KCNQ1: variants seen among roughly 807,000 people sequenced by gnomAD.
KCNQ1 encodes potassium voltage-gated channel subfamily KQT member 1.
KCNQ1 carries 49 observed loss-of-function variants against 72.4 expected under a neutral mutation model. That is an observed-to-expected ratio of 0.68 (90% CI 0.54 to 0.86). The LOEUF is 0.86. KCNQ1 is among the 40% of genes least tolerant of loss of function. The probability of loss-of-function intolerance (pLI) is 0.00; values close to 1 mark genes in which losing one functional copy is unlikely to be tolerated. For synonymous variants in KCNQ1, 450 were observed against 412.6 expected (o/e 1.09, Z -1.10); for missense variants, 790 against 945.1 (o/e 0.84, Z 2.15).
chr11:2,772,283 C>A lies in KCNQ1; in HGVS notation c.1590+3364C>A, dbSNP rs937696553. On this transcript the variant is annotated intron_variant, in intron 12 of 15. Coordinates refer to ENST00000155840, the MANE Select transcript of KCNQ1 (RefSeq NM_000218.3). This position sits in a 1 kb window ranked among gnomAD's most constrained non-coding sequence, Gnocchi z 6.6. Reference sequence around the variant, plus strand: ...GGGCTGCTGACATGGCAGGTGACCCCTCTGCCTACCTTGCTGGCTGATAAG... The same window carrying A: ...GGGCTGCTGACATGGCAGGTGACCCATCTGCCTACCTTGCTGGCTGATAAG... 6.6e-6 allele frequency among the ~76,000 whole-genome samples: 1 copy of A among 152,104 alleles called. No homozygotes were observed. Among genetic ancestry groups the A allele is most frequent in the Non-Finnish European group, 1.5e-5 (1 of 68,004 alleles).
In KCNQ1 at chr11:2,683,767, C is replaced by T; in HGVS notation, c.1514+21686C>T. The T allele has an allele frequency of 2.5e-6, 1 of 398,620 alleles. No homozygotes were observed. Among genetic ancestry groups the T allele is most frequent in the Non-Finnish European group, 4.4e-6 (1 of 226,064 alleles). 24.7% of individuals were successfully genotyped at this position (398,620 alleles called of 1,614,324 possible). On this transcript the variant is annotated intron_variant, in intron 11 of 15. Coordinates refer to ENST00000155840, the MANE Select transcript of KCNQ1 (RefSeq NM_000218.3). This position sits in a 1 kb window ranked among gnomAD's most constrained non-coding sequence, Gnocchi z 4.7. ...GAGGCAGCCCAGATGACATGGGCCT[C>T]TAAGGCTGGCTGCTCTTACTCTATA...
intron 11 of KCNQ1, chr11:2,699,687 C>T (rs1850754413): frequency 2.8e-6 from 1 of 352,492 alleles, no homozygotes. Context: ...CCGAAAAGCC[C>T]CGGGTGCCCC....
intron 2 of KCNQ1, among the ~76,000 whole-genome samples, chr11:2,542,212 C>T (rs533164354): frequency 9.8e-5 from 15 of 152,294 alleles, no homozygotes; most frequent in African/African-American, 3.4e-4. Flanking sequence ...GGGGCTGTGC[C>T]GAGGGTGTGG....
At position 2,651,113 on chromosome 11, in the gene KCNQ1, C is replaced by G. The variant is rs79220673; in HGVS notation, c.1394-10848C>G. 2,605 of 398,682 alleles carry G rather than the reference C, an allele frequency of 6.5e-3. 23 individuals are homozygous for G. The highest frequency in any genetic ancestry group is 0.014 in the Middle Eastern group (22 of 1,588). 24.7% of individuals were successfully genotyped at this position (398,682 alleles called of 1,614,324 possible). A position where few individuals can be genotyped will look rare whatever the true frequency, so the allele number is the denominator to read the frequency against. ...GATTTCCACTCTTGCTTCCTGTACT[C>G]CATTCTTCACATAACAGCTCAAGGG... On this transcript the variant is annotated intron_variant, in intron 10 of 15. Coordinates refer to ENST00000155840, the MANE Select transcript of KCNQ1 (RefSeq NM_000218.3). This position sits in a 1 kb window ranked among gnomAD's most constrained non-coding sequence, Gnocchi z 6.1.
intron 8 of KCNQ1, 74 bp from the exon 9 acceptor site, chr11:2,587,496 G>A: frequency 6.2e-7 from 1 of 1,603,604 alleles, no homozygotes; most frequent in Non-Finnish European, 8.5e-7. Context: ...ACAGGGAGGG[G>A]GAGCTGTAGC....
chr11:2,811,869 A>C (rs753550822), intron 15 of KCNQ1, among the ~76,000 whole-genome samples: 4 of 152,184 alleles, frequency 2.6e-5, no homozygotes, highest in Non-Finnish European at 5.9e-5. Flanking sequence ...TGAGCAACAC[A>C]TTCCCGTTCT....
rs1847869227 is a variant in KCNQ1 at position 2,544,272 on chromosome 11, A to ATATATATGTGTATATATATATG, written c.477+16272_477+16293dup. Among the ~76,000 whole-genome samples the ATATATATGTGTATATATATATG allele has an allele frequency of 9.3e-6, 1 of 107,784 alleles. No homozygotes were observed. Among genetic ancestry groups the ATATATATGTGTATATATATATG allele is most frequent in the Non-Finnish European group, 1.8e-5 (1 of 56,730 alleles). The allele number at this position is 107,784 out of a possible 152,430, so 70.7% of individuals were successfully genotyped here. A position where few individuals can be genotyped will look rare whatever the true frequency, so the allele number is the denominator to read the frequency against. On this transcript the variant is annotated intron_variant, in intron 2 of 15. Coordinates refer to ENST00000155840, the MANE Select transcript of KCNQ1 (RefSeq NM_000218.3). This position sits in a 1 kb window ranked among gnomAD's most constrained non-coding sequence, Gnocchi z 4.4. ...TGTATATATATATGTGTGTGTGTGTATATATATGTGTATATATATATGTAT... is the reference window on the plus strand; with the variant it reads ...TGTATATATATATGTGTGTGTGTGTATATATATGTGTATATATATATGTATATATGTGTATATATATATGTAT...
intron 1 of KCNQ1, chr11:2,461,350 T>G (rs776969138): frequency 1.5e-5 from 17 of 1,120,690 alleles, no homozygotes; most frequent in Non-Finnish European, 1.9e-5. Context: ...TGAAATAGCC[T>G]CTGAAGCTCT....
In KCNQ1 at chr11:2,644,443, A is replaced by G. The variant is rs7124710; in HGVS notation, c.1394-17518A>G. Reference sequence around the variant, plus strand: ...TATCTGTTTGGTTCTTTTTATATCTATCTCTTGGGCAAATTTCTCATTCAT... The same window carrying G: ...TATCTGTTTGGTTCTTTTTATATCTGTCTCTTGGGCAAATTTCTCATTCAT... On this transcript the variant is annotated intron_variant, in intron 10 of 15. Coordinates refer to ENST00000155840, the MANE Select transcript of KCNQ1 (RefSeq NM_000218.3). 1,351 of 398,222 alleles carry G rather than the reference A, an allele frequency of 3.4e-3. 20 individuals are homozygous for G. Among genetic ancestry groups the G allele is most frequent in the African/African-American group, 0.026 (1,252 of 48,666 alleles). 24.7% of individuals were successfully genotyped at this position (398,222 alleles called of 1,614,324 possible).
chr11:2,795,157 C>T (rs912185860), intron 15 of KCNQ1, among the ~76,000 whole-genome samples: 4 of 152,238 alleles, frequency 2.6e-5, no homozygotes, highest in Admixed American at 6.5e-5. Context: ...CCTTCCGCTG[C>T]GTCAGTCTCC....
In KCNQ1 at chr11:2,537,702, TTTG is replaced by T. The variant is rs1480562582; in HGVS notation, c.477+9691_477+9693del. On this transcript the variant is annotated intron_variant, in intron 2 of 15. Transcript: ENST00000155840. The surrounding 1 kb of genome is among the most constrained non-coding windows in gnomAD (Gnocchi z 5.2). ...AACCTATATGGGTTTTGTGGGGTTT[TTTG>T]TTGTTGGTTTTTTATTTTTATTTTT... Among the ~76,000 whole-genome samples the T allele has an allele frequency of 6.6e-6, 1 of 150,838 alleles. No homozygotes were observed. The highest frequency in any genetic ancestry group is 1.5e-5 in the Non-Finnish European group (1 of 68,010).
chr11:2,571,501 T>C, intron 4 of KCNQ1, 98 bp downstream of exon 4: 1 of 981,418 alleles, frequency 1.0e-6, no homozygotes, highest in South Asian at 1.3e-5. Context: ...CTTGCTCAGA[T>C]GCAAGGTGCC....
intron 11 of KCNQ1, chr11:2,699,349 C>T (rs1275622948): frequency 2.5e-5 from 10 of 398,938 alleles, no homozygotes; most frequent in Non-Finnish European, 4.4e-5. Flanking sequence ...CAGTGATCAC[C>T]CGTCCCGCGC....
chr11:2,635,959 T>C, intron 10 of KCNQ1: 1 of 152,156 alleles, frequency 6.6e-6, no homozygotes, highest in Non-Finnish European at 1.5e-5. Flanking sequence ...TGAATGGGAG[T>C]TCACTCATGA....
chr11:2,832,871 G>T (rs563594874), intron 15 of KCNQ1, among the ~76,000 whole-genome samples: 71 of 152,250 alleles, frequency 4.7e-4, no homozygotes, highest in Non-Finnish European at 8.8e-4. Flanking sequence ...ACAGGGCCTG[G>T]CCAGGGCTCC....
At chr11:2,774,707 C>T (rs966450281) in intron 12 of KCNQ1, among the ~76,000 whole-genome samples, 1 of 152,192 alleles carries the variant, frequency 6.6e-6, no homozygotes, top group Admixed American at 6.5e-5. Flanking sequence ...GAGACCTGAC[C>T]TCAGGGTCTC....
intron 11 of KCNQ1, among the ~76,000 whole-genome samples, chr11:2,714,050 C>T (rs1353794703): frequency 2.0e-5 from 3 of 151,980 alleles, no homozygotes; most frequent in African/African-American, 2.4e-5. Context: ...CACAGGCAGT[C>T]TCCACAGAGA....
intron 10 of KCNQ1, chr11:2,636,283 C>G (rs10766253): frequency 6.6e-6 from 1 of 151,730 alleles, no homozygotes; most frequent in Non-Finnish European, 1.5e-5. Flanking sequence ...GGGAATGCTT[C>G]CAGTTTTTGC....
Position 2,660,367 on chromosome 11 carries a change from C to T in KCNQ1, c.1394-1594C>T, listed in dbSNP as rs142666827. On this transcript the variant is annotated intron_variant, in intron 10 of 15. Transcript: ENST00000155840. ...ATAAATTTAAGAGAGAATTGTATTACGCTGATGTGGGAAAACCTTCCTTTT... is the reference window on the plus strand; with the variant it reads ...ATAAATTTAAGAGAGAATTGTATTATGCTGATGTGGGAAAACCTTCCTTTT... 9.5e-4 allele frequency: 380 copies of T among 398,456 alleles called. 1 individual carries two copies. The East Asian group carries it at 0.011, about 12-fold the overall frequency. The allele number at this position is 398,456 out of a possible 1,614,324, so 24.7% of individuals were successfully genotyped here.
Sources: gnomAD v4.1 joint callset for allele counts (sites outside exome capture counted in the v4.1 genomes callset) on GRCh38, gnomAD v4.1.1 for gene constraint, Gnocchi (gnomAD v3.1) non-coding constraint, MANE v1.5 for transcripts, NCBI Gene and HGNC (gene_info 2026-07-23, HGNC 2026-07-21) for gene names.